Variants in CRPPA observed in about 807,000 individuals in gnomAD.
CRPPA encodes the protein D-ribitol-5-phosphate cytidylyltransferase.
A neutral mutation model predicts 52.0 loss-of-function variants in CRPPA; 43 were observed. The observed-to-expected ratio is 0.83, with a 90% CI of 0.65 to 1.07. The LOEUF is 1.07. Among genes scored for constraint, CRPPA ranks in the 50% least tolerant of loss-of-function variants. The probability of loss-of-function intolerance (pLI) is 0.00; values close to 1 mark genes in which losing one functional copy is unlikely to be tolerated. For synonymous variants in CRPPA, 250 were observed against 203.5 expected (o/e 1.23, Z -1.94); for missense variants, 629 against 551.7 (o/e 1.14, Z -1.40).
intron 9 of CRPPA, among the ~76,000 whole-genome samples, chr7:16,192,129 T>G (rs762876861): frequency 1.3e-5 from 2 of 152,066 alleles, no homozygotes; most frequent in Non-Finnish European, 2.9e-5. Context: ...GTAAATGAAA[T>G]CCAATGATAG....
intron 8 of CRPPA, among the ~76,000 whole-genome samples, chr7:16,228,114 C>T: frequency 6.6e-6 from 1 of 151,814 alleles, no homozygotes; most frequent in Non-Finnish European, 1.5e-5. Context: ...TATACCAGTA[C>T]TATGTTGTTT....
At chr7:16,375,793 C>A (rs1008929752) in intron 3 of CRPPA, among the ~76,000 whole-genome samples, 1 of 152,142 alleles carries the variant, frequency 6.6e-6, no homozygotes, top group African/African-American at 2.4e-5. Flanking sequence ...CCTCCCTGGG[C>A]ATAAATGTCA....
Position 16,374,777 on chromosome 7 carries a change from AC to A in CRPPA, c.684+1314del, listed in dbSNP as rs1038496365. Among the ~76,000 whole-genome samples the A allele has an allele frequency of 3.3e-5, 5 of 152,006 alleles. No individual in the cohort carries two copies. In the South Asian group the frequency reaches 1.0e-3, roughly 32 times the overall value. On this transcript the variant is annotated intron_variant, in intron 3 of 9. Coordinates refer to ENST00000407010, the MANE Select transcript of CRPPA (RefSeq NM_001101426.4). ...ACCACTGTCTTCTCACTGTGGAATCACCCCCATCAGCATAACAGTGTGCTGT... is the reference window on the plus strand; with the variant it reads ...ACCACTGTCTTCTCACTGTGGAATCACCCCATCAGCATAACAGTGTGCTGT...
intron 2 of CRPPA, among the ~76,000 whole-genome samples, chr7:16,379,752 T>C (rs1239620551): frequency 1.3e-5 from 2 of 152,220 alleles, no homozygotes; most frequent in East Asian, 1.9e-4. Context: ...TTTGAAGCAA[T>C]TGTGAATGGG....
rs546878295 is a variant in CRPPA at position 16,153,281 on chromosome 7, A to G, written c.1252-61482T>C. ...TTATGACATCAACACAACATAAATC[A>G]AGGGTCAACAAACCACAATCTGTGA... On this transcript the variant is annotated intron_variant, in intron 9 of 9. Transcript: ENST00000407010. Among the ~76,000 whole-genome samples, 9 of 152,228 alleles carry G rather than the reference A, an allele frequency of 5.9e-5. No individual in the cohort carries two copies. In the East Asian group the frequency reaches 1.7e-3, roughly 29 times the overall value.
At chr7:16,415,124 A>C (rs544959406) in intron 1 of CRPPA, among the ~76,000 whole-genome samples, 1 of 152,362 alleles carries the variant, frequency 6.6e-6, no homozygotes, top group Non-Finnish European at 1.5e-5. Flanking sequence ...ATTTAATCTG[A>C]TAAGTAGTTT....
At chr7:16,268,479 A>G (rs1784012013) in intron 6 of CRPPA, among the ~76,000 whole-genome samples, 1 of 152,152 alleles carries the variant, frequency 6.6e-6, no homozygotes, top group African/African-American at 2.4e-5. Context: ...TTGTATGAGA[A>G]ATATACTTGC....
chr7:16,342,164 T>C (rs1190506117), intron 3 of CRPPA, among the ~76,000 whole-genome samples: 2 of 152,204 alleles, frequency 1.3e-5, no homozygotes, highest in African/African-American at 2.4e-5. Context: ...AGTGACCCTC[T>C]GATTATGTGT....
rs190189367 is a variant in CRPPA, at chr7:16,305,895, A to T, written c.789+2628T>A. 3.3e-4 allele frequency among the ~76,000 whole-genome samples: 51 copies of T among 152,264 alleles called. No homozygotes were observed. In the East Asian group the frequency reaches 9.1e-3, roughly 27 times the overall value. On this transcript the variant is annotated intron_variant, in intron 4 of 9. Coordinates refer to ENST00000407010, the MANE Select transcript of CRPPA (RefSeq NM_001101426.4). ...GACTCCGTCAAAAACAAACAAACAAAAAAATTTATATTCTCTCACAGTCTG... is the reference window on the plus strand; with the variant it reads ...GACTCCGTCAAAAACAAACAAACAATAAAATTTATATTCTCTCACAGTCTG...
chr7:16,356,041 T>C (rs1786286421), intron 3 of CRPPA, among the ~76,000 whole-genome samples: 1 of 139,998 alleles, frequency 7.1e-6, no homozygotes, highest in African/African-American at 2.5e-5. Flanking sequence ...TAACGAAGCA[T>C]AAGTGGAACT....
chr7:16,274,005 C>T (rs1022554794), intron 6 of CRPPA, among the ~76,000 whole-genome samples: 4 of 152,156 alleles, frequency 2.6e-5, no homozygotes, highest in African/African-American at 9.7e-5. Flanking sequence ...CAGTACTACT[C>T]CTGACACTCC....
chr7:16,258,373 G>C lies in CRPPA; in HGVS notation c.1119+17C>G. 1 of 1,475,636 alleles carries C rather than the reference G, an allele frequency of 6.8e-7. No individual in the cohort carries two copies. The highest frequency in any genetic ancestry group is 2.3e-5 in the East Asian group (1 of 43,794). 91.4% of individuals were successfully genotyped at this position (1,475,636 alleles called of 1,614,324 possible). A position where few individuals can be genotyped will look rare whatever the true frequency, so the allele number is the denominator to read the frequency against. ...GGAAGCATAAGTTTGAGAAAAATCT[G>C]CATTAATTTCACTTACTGAAACAAC... On this transcript the variant is annotated intron_variant, in intron 8 of 9. Transcript: ENST00000407010.
intron 2 of CRPPA, among the ~76,000 whole-genome samples, chr7:16,400,410 C>G (rs1221123634): frequency 1.3e-5 from 2 of 152,210 alleles, no homozygotes; most frequent in Non-Finnish European, 1.5e-5. Flanking sequence ...TGGCACATGA[C>G]TAACAGGTGA....
intron 8 of CRPPA, among the ~76,000 whole-genome samples, chr7:16,227,708 C>A (rs1372489175): frequency 6.6e-6 from 1 of 151,668 alleles, no homozygotes; most frequent in African/African-American, 2.4e-5. Flanking sequence ...TAAGTTGTCT[C>A]TTCATTTTTC....
intron 9 of CRPPA, among the ~76,000 whole-genome samples, chr7:16,210,153 T>C (rs550028972): frequency 6.6e-6 from 1 of 152,232 alleles, no homozygotes; most frequent in Non-Finnish European, 1.5e-5. Flanking sequence ...CATATATACA[T>C]GTGTGTATGG....
At chr7:16,171,550 A>T (rs933147472) in intron 9 of CRPPA, among the ~76,000 whole-genome samples, 9 of 152,130 alleles carry the variant, frequency 5.9e-5, no homozygotes, top group Non-Finnish European at 7.4e-5. Flanking sequence ...GTGGATCACG[A>T]GGTCAGGAAA....
At chr7:16,242,708 T>C (rs1442549097) in intron 8 of CRPPA, among the ~76,000 whole-genome samples, 1 of 152,206 alleles carries the variant, frequency 6.6e-6, no homozygotes, top group East Asian at 1.9e-4. Flanking sequence ...ATTAGATTTT[T>C]CTTCTTAAGA....
At chr7:16,400,377 C>G (rs1346106455) in intron 2 of CRPPA, among the ~76,000 whole-genome samples, 1 of 152,226 alleles carries the variant, frequency 6.6e-6, no homozygotes, top group Non-Finnish European at 1.5e-5. Context: ...ACGTTTGTGA[C>G]ACACTGACCT....
At chr7:16,258,871 C>T in intron 7 of CRPPA, 49 bp downstream of exon 7, 1 of 1,140,966 alleles carries the variant, frequency 8.8e-7, no homozygotes, top group African/African-American at 1.6e-5. Flanking sequence ...AGTTCTCTTC[C>T]ACATTTGTTC....
Sources: gnomAD v4.1 joint callset for allele counts (sites outside exome capture counted in the v4.1 genomes callset) on GRCh38, gnomAD v4.1.1 for gene constraint, MANE v1.5 for transcripts, NCBI Gene and HGNC (gene_info 2026-07-23, HGNC 2026-07-21) for gene names.